USP15: variants seen among roughly 807,000 people sequenced by gnomAD.
USP15 encodes the protein ubiquitin carboxyl-terminal hydrolase 15.
In USP15, 18 loss-of-function variants were observed where a neutral mutation model predicts 127.1. The ratio of observed to expected loss-of-function variants is 0.14; its 90% CI spans 0.10 to 0.21. The LOEUF is 0.21. Ranked by LOEUF, USP15 falls within the 10% of genes least tolerant of loss-of-function variation. USP15 has a pLI of 1.00. For synonymous variants in USP15, 364 were observed against 393.7 expected, an observed-to-expected ratio of 0.92 and a Z score of 0.89; for missense variants, 805 against 1,159.9, an observed-to-expected ratio of 0.69 and a Z score of 4.44.
intron 6 of USP15, among the ~76,000 whole-genome samples, chr12:62,348,107 G>T (rs2065871399): frequency 6.6e-6 from 1 of 152,084 alleles, no homozygotes; most frequent in Non-Finnish European, 1.5e-5. Context: ...TTCTCAGTAG[G>T]CTGAGATGGA....
rs534544088 is a variant in USP15 at position 62,371,850 on chromosome 12, G to A, written c.916-9640G>A. ...TAGCATCAGGAGGTAAAAATAGCTC[G>A]AGCGGAAATATTTGGGTTTGTATAT... On this transcript the variant is annotated intron_variant, in intron 8 of 21. Transcript: ENST00000280377. Among the ~76,000 whole-genome samples the A allele has an allele frequency of 5.9e-5, 9 of 152,192 alleles. No individual in the cohort carries two copies. The South Asian group carries it at 6.2e-4, about 11-fold the overall frequency.
At chr12:62,365,661 T>A (rs2066453668) in intron 8 of USP15, among the ~76,000 whole-genome samples, 1 of 152,240 alleles carries the variant, frequency 6.6e-6, no homozygotes, top group African/African-American at 2.4e-5. Flanking sequence ...GCCTAGGTTT[T>A]CTTCTAGGAT....
At chr12:62,339,345 A>C (rs1352988009) in intron 6 of USP15, among the ~76,000 whole-genome samples, 2 of 152,128 alleles carry the variant, frequency 1.3e-5, no homozygotes, top group Non-Finnish European at 2.9e-5. Context: ...AACAGAGACC[A>C]TTTGACTTCC....
chr12:62,415,252 T>A lies in USP15; in HGVS notation c.*10877T>A, dbSNP rs1796815785. The A allele has an allele frequency of 6.6e-6, 1 of 152,232 alleles. No homozygotes were observed. Among genetic ancestry groups the A allele is most frequent in the African/African-American group, 2.4e-5 (1 of 41,470 alleles). 9.4% of individuals were successfully genotyped at this position (152,232 alleles called of 1,614,324 possible). A position where few individuals can be genotyped will look rare whatever the true frequency, so the allele number is the denominator to read the frequency against. On this transcript the variant is annotated 3_prime_UTR_variant, in exon 22 of 22. Transcript: ENST00000280377. ...GTGCAAAGGCAGGAAAAGACTGATGTCCCAGTTCAATCAGGCAAGAGAAAT... is the reference window on the plus strand; with the variant it reads ...GTGCAAAGGCAGGAAAAGACTGATGACCCAGTTCAATCAGGCAAGAGAAAT...
In USP15 at chr12:62,415,300, G is replaced by A. The variant is rs1190141449; in HGVS notation, c.*10925G>A. 2 of 152,028 alleles carry A rather than the reference G, an allele frequency of 1.3e-5. No homozygotes were observed. Among genetic ancestry groups the A allele is most frequent in the African/African-American group, 4.8e-5 (2 of 41,396 alleles). 9.4% of individuals were successfully genotyped at this position (152,028 alleles called of 1,614,324 possible). On this transcript the variant is annotated 3_prime_UTR_variant, in exon 22 of 22. Transcript: ENST00000280377. ...AATTATCCTTACTTGAGCCTTTTTT[G>A]TTCTATTCAGGCCTTCAATTCATGA...
chr12:62,389,963 T>C lies in USP15; in HGVS notation c.1819T>C (p.Tyr607His), dbSNP rs1220683917. The C allele has an allele frequency of 6.2e-7, 1 of 1,610,388 alleles. No individual in the cohort carries two copies. The highest frequency in any genetic ancestry group is 8.5e-7 in the Non-Finnish European group (1 of 1,178,278). Residue 607 changes from tyrosine to histidine, a missense_variant, in exon 14 of 22, where the codon TAT becomes CAT. Tyr to His is a moderately conservative substitution (Grantham distance 83, BLOSUM62 2). Around this residue, in one of 11 missense-constraint regions of USP15, gnomAD observed 225 missense variants for 239.5 expected, o/e 0.94. Transcript: ENST00000280377. ...ACGAAACAATACTGAAGACAAACTT[T>C]ATAATCTCCTGCTCTTGAGAATGTG... ...VPRNNTEDKL[Y>H]NLLLLRMCRY...
chr12:62,330,795 A>G (rs1266010795), intron 6 of USP15, among the ~76,000 whole-genome samples: 1 of 151,516 alleles, frequency 6.6e-6, no homozygotes, highest in Non-Finnish European at 1.5e-5. Flanking sequence ...TTATGGTGGC[A>G]TGCACCTGTA....
In USP15 at chr12:62,382,292, TA is replaced by T. The variant is rs71083991; in HGVS notation, c.1089+636del. On this transcript the variant is annotated intron_variant, in intron 9 of 21. Transcript: ENST00000280377. Reference sequence around the variant, plus strand: ...TGGCTGAAATTTAGCTTTATATTGTTAAAAAAATGCCTACTTAATTATATAG... The same window carrying T: ...TGGCTGAAATTTAGCTTTATATTGTTAAAAAATGCCTACTTAATTATATAG... Among the ~76,000 whole-genome samples the T allele has an allele frequency of 1.1e-3, 166 of 151,972 alleles. 2 individuals carry two copies. The highest frequency in any genetic ancestry group is 6.8e-3 in the Middle Eastern group (2 of 294).
chr12:62,348,986 G>T (rs1343621439), intron 6 of USP15, among the ~76,000 whole-genome samples: 1 of 152,020 alleles, frequency 6.6e-6, no homozygotes, highest in Non-Finnish European at 1.5e-5. Flanking sequence ...ATAATAGCAA[G>T]TCGCATATTT....
At chr12:62,339,109 C>T (rs2065572186) in intron 6 of USP15, among the ~76,000 whole-genome samples, 1 of 151,840 alleles carries the variant, frequency 6.6e-6, no homozygotes, top group Non-Finnish European at 1.5e-5. Context: ...CCTTCACGTC[C>T]ATTGTAGGTG....
At chr12:62,355,035 G>T in intron 7 of USP15, 1 of 196,476 alleles carries the variant, frequency 5.1e-6, no homozygotes, top group East Asian at 1.2e-4. Context: ...GGAGCAATGG[G>T]GAATGGAGCA....
At chr12:62,342,491 G>A (rs866458387) in intron 6 of USP15, among the ~76,000 whole-genome samples, 2 of 152,060 alleles carry the variant, frequency 1.3e-5, no homozygotes, top group African/African-American at 2.4e-5. Flanking sequence ...AAGCATTCTG[G>A]CTTTTGGAAT....
intron 1 of USP15, among the ~76,000 whole-genome samples, chr12:62,270,878 A>G (rs1416206104): frequency 1.3e-5 from 2 of 152,040 alleles, no homozygotes; most frequent in Non-Finnish European, 2.9e-5. Flanking sequence ...ATTACTCCGT[A>G]TAAATGACAC....
intron 5 of USP15, among the ~76,000 whole-genome samples, chr12:62,322,539 C>T (rs768349197): frequency 2.0e-5 from 3 of 152,124 alleles, no homozygotes; most frequent in Non-Finnish European, 4.4e-5. Flanking sequence ...TCTCTGTGCT[C>T]CATTCTCAGC....
intron 1 of USP15, among the ~76,000 whole-genome samples, chr12:62,274,745 C>G (rs1178135902): frequency 1.3e-5 from 2 of 152,100 alleles, no homozygotes; most frequent in Non-Finnish European, 2.9e-5. Context: ...CTACCATCAA[C>G]TAATATAAAA....
intron 9 of USP15, among the ~76,000 whole-genome samples, chr12:62,382,830 C>T (rs758874094): frequency 3.3e-5 from 5 of 151,800 alleles, no homozygotes; most frequent in East Asian, 3.9e-4. Context: ...CTTTCAGATA[C>T]GTAATTATCT....
chr12:62,281,629 G>A (rs1370542956), intron 1 of USP15, among the ~76,000 whole-genome samples: 3 of 152,172 alleles, frequency 2.0e-5, no homozygotes, highest in Non-Finnish European at 4.4e-5. Context: ...GTGAGCCACA[G>A]CACCTGGCCA....
chr12:62,391,443 A>G lies in USP15; in HGVS notation c.2233+14A>G. ...TTAGGCTAGATGGTAAGTATTTGTG[A>G]AAAATGGCTTGAACATTAAACAAGC... is the stretch of plus-strand genomic sequence containing the variant. On this transcript the variant is annotated intron_variant, in intron 16 of 21. Coordinates refer to ENST00000280377, the MANE Select transcript of USP15 (RefSeq NM_001252078.2). 1 of 1,588,224 alleles carries G rather than the reference A, an allele frequency of 6.3e-7. No homozygotes were observed. The highest frequency in any genetic ancestry group is 8.5e-7 in the Non-Finnish European group (1 of 1,172,744).
rs763172433 is a variant in USP15, at chr12:62,314,929, C to G, written c.475+13C>G. 3.2e-6 allele frequency: 5 copies of G among 1,554,218 alleles called. No homozygotes were observed. The highest frequency in any genetic ancestry group is 2.6e-6 in the Non-Finnish European group (3 of 1,150,840). ...GCTGACACAATAGGTAATGCAAGAT[C>G]CTGTCTTGTTTTTAATCCATTGCTA... On this transcript the variant is annotated intron_variant, in intron 4 of 21. Transcript: ENST00000280377.
Sources: allele counts gnomAD v4.1 joint callset (sites outside exome capture counted in the v4.1 genomes callset), GRCh38; gene constraint gnomAD v4.1.1; regional missense constraint gnomAD v4.1.1; transcripts MANE v1.5; gene names NCBI Gene and HGNC (gene_info 2026-07-23, HGNC 2026-07-21).